Variants in RYR1 observed in about 807,000 individuals in gnomAD.
The protein encoded by RYR1 is ryanodine receptor 1, also known as central core disease of muscle.
RYR1 carries 342 observed loss-of-function variants against 583.5 expected under a neutral mutation model. That is an observed-to-expected ratio of 0.59 (90% CI 0.54 to 0.64). The LOEUF is 0.64. Ranked by LOEUF, RYR1 falls within the 30% of genes least tolerant of loss-of-function variation. The pLI is 0.00. For missense variants in RYR1, 6,032 were observed against 6,917.2 expected (o/e 0.87, Z 4.54); for synonymous variants, 2,791 against 2,822.5 (o/e 0.99, Z 0.35).
In RYR1 at chr19:38,561,823, G is replaced by A. The variant is rs1010609395; in HGVS notation, c.12624+369G>A. On this transcript the variant is annotated intron_variant, in intron 90 of 105. Coordinates refer to ENST00000359596, the MANE Select transcript of RYR1 (RefSeq NM_000540.3). The surrounding 1 kb of genome is among the most constrained non-coding windows in gnomAD (Gnocchi z 4.8). ...GCCCTACCCACACTCTCACCTCCTC[G>A]AACCTGCATGGCGACACACCCCTTG... 4.6e-5 allele frequency among the ~76,000 whole-genome samples: 7 copies of A among 152,048 alleles called. No individual in the cohort carries two copies. Among genetic ancestry groups the A allele is most frequent in the Admixed American group, 3.3e-4 (5 of 15,258 alleles).
Position 38,512,552 on chromosome 19 carries a change from T to C in RYR1, c.9472+69T>C. 3 of 1,406,220 alleles carry C rather than the reference T, an allele frequency of 2.1e-6. No individual in the cohort carries two copies. The highest frequency in any genetic ancestry group is 3.0e-6 in the Non-Finnish European group (3 of 1,003,876). The allele number at this position is 1,406,220 out of a possible 1,614,324, so 87.1% of individuals were successfully genotyped here. A position where few individuals can be genotyped will look rare whatever the true frequency, so the allele number is the denominator to read the frequency against. On this transcript the variant is annotated intron_variant, in intron 63 of 105. Coordinates refer to ENST00000359596, the MANE Select transcript of RYR1 (RefSeq NM_000540.3). The surrounding 1 kb of genome is among the most constrained non-coding windows in gnomAD (Gnocchi z 5.1). Reference sequence around the variant, plus strand: ...GGCCAACACCACCCATCCGGGTGCCTGTGAGAGTCCCTGGGTGTTTGAATG... The same window carrying C: ...GGCCAACACCACCCATCCGGGTGCCCGTGAGAGTCCCTGGGTGTTTGAATG...
At chr19:38,445,222 CAAAAAAAAA>C (rs61419525) in intron 7 of RYR1, among the ~76,000 whole-genome samples, 5 of 48,186 alleles carry the variant, frequency 1.0e-4, no homozygotes, top group South Asian at 1.0e-3. Flanking sequence ...GACTCTGCCT[CAAAAAAAAA>C]AAAAAAAAAA....
At chr19:38,468,649 C>G (rs1968253200) in intron 25 of RYR1, among the ~76,000 whole-genome samples, 1 of 152,164 alleles carries the variant, frequency 6.6e-6, no homozygotes, top group Admixed American at 6.6e-5. Context: ...TTTTTCCTTT[C>G]CATCCCTCTA....
intron 31 of RYR1, among the ~76,000 whole-genome samples, chr19:38,480,719 C>T (rs910572737): frequency 2.6e-5 from 4 of 151,882 alleles, no homozygotes; most frequent in African/African-American, 9.7e-5. Flanking sequence ...TAAGTAGGGT[C>T]ATATATTTTA....
intron 31 of RYR1, among the ~76,000 whole-genome samples, chr19:38,479,816 A>C (rs1968921961): frequency 6.6e-6 from 1 of 151,908 alleles, no homozygotes; most frequent in Non-Finnish European, 1.5e-5. Context: ...TCCTGGACTC[A>C]AGCGATCCTC....
At chr19:38,549,679 A>G (rs1370184333) in intron 89 of RYR1, among the ~76,000 whole-genome samples, 1 of 136,250 alleles carries the variant, frequency 7.3e-6, no homozygotes, top group African/African-American at 2.7e-5. Flanking sequence ...TTACTCCATC[A>G]TGATTTCCCT....
Position 38,483,200 on chromosome 19 carries a change from A to C in RYR1, c.4707+87A>C. 1 of 1,590,902 alleles carries C rather than the reference A, an allele frequency of 6.3e-7. No homozygotes were observed. The highest frequency in any genetic ancestry group is 8.6e-7 in the Non-Finnish European group (1 of 1,161,044). ...CAGGCGGGCAGAGCCACTGAAGGGG[A>C]GGGGGCAATCCAAGAGGTCTCCCTG... On this transcript the variant is annotated intron_variant, in intron 32 of 105. Coordinates refer to ENST00000359596, the MANE Select transcript of RYR1 (RefSeq NM_000540.3). This position sits in a 1 kb window ranked among gnomAD's most constrained non-coding sequence, Gnocchi z 6.3.
At chr19:38,436,442 C>A (rs1600617075) in intron 1 of RYR1, among the ~76,000 whole-genome samples, 3 of 152,170 alleles carry the variant, frequency 2.0e-5, no homozygotes, top group Admixed American at 1.3e-4. Flanking sequence ...CTCCTGGGCT[C>A]AAGAAATCCT....
chr19:38,517,578 C>CA lies in RYR1; in HGVS notation c.9906dup (p.Pro3303ThrfsTer8). The CA allele has an allele frequency of 6.2e-7, 1 of 1,613,990 alleles. No individual in the cohort carries two copies. On this transcript the variant is annotated frameshift_variant, in exon 66 of 106. Coordinates refer to ENST00000359596, the MANE Select transcript of RYR1 (RefSeq NM_000540.3). LOFTEE classifies it high-confidence loss of function. ...TCCGCCCTGCCCGCCGGCGCCCCCC[C>CA]ACCCTGCACAGCTGTCACCTCTGAC...
chr19:38,489,376 G>A lies in RYR1; in HGVS notation c.5747G>A (p.Gly1916Glu). The change falls in exon 35 of 106, where the codon GGG becomes GAG. Residue 1916 changes from glycine to glutamate, a missense_variant. By Grantham distance (98) the Gly-to-Glu change is moderately conservative. Around this residue, in one of 11 missense-constraint regions of RYR1, gnomAD observed 2,627 missense variants for 2,961.3 expected, o/e 0.89. Coordinates refer to ENST00000359596, the MANE Select transcript of RYR1 (RefSeq NM_000540.3). ...EEKEEEEAAEGEKEEGLEEGL... is the reference protein window; with the variant it reads ...EEKEEEEAAEEEKEEGLEEGL... ...AAAGAGGAAGAGGAGGCAGCAGAAG[G>A]GGAGAAAGAAGAAGGCTTGGAGGAA... is the stretch of plus-strand genomic sequence containing the variant. 6.2e-7 allele frequency: 1 copy of A among 1,614,036 alleles called. No individual in the cohort carries two copies. Among genetic ancestry groups the A allele is most frequent in the Non-Finnish European group, 8.5e-7 (1 of 1,179,930 alleles).
At chr19:38,454,901 G>GT (rs1251743531) in intron 13 of RYR1, among the ~76,000 whole-genome samples, 1 of 152,124 alleles carries the variant, frequency 6.6e-6, no homozygotes, top group Non-Finnish European at 1.5e-5. Context: ...TGGATGGTTG[G>GT]TGGGAGTGGG....
In RYR1 at chr19:38,502,567, CTGCCGCTCATCACCAAGTG is replaced by C; in HGVS notation, c.7679_7697del (p.Pro2560ArgfsTer180). 6.2e-7 allele frequency: 1 copy of C among 1,612,162 alleles called. No individual in the cohort carries two copies. The highest frequency in any genetic ancestry group is 8.5e-7 in the Non-Finnish European group (1 of 1,179,916). ...GAACCGCTACCTGTGCCTGGCCGTG[CTGCCGCTCATCACCAAGTG>C]TGCGCCGCTCTTTGCGGGCACAGAA... On this transcript the variant is annotated frameshift_variant, in exon 48 of 106. Coordinates refer to ENST00000359596, the MANE Select transcript of RYR1 (RefSeq NM_000540.3). LOFTEE classifies it high-confidence loss of function.
At chr19:38,505,995 C>A in intron 54 of RYR1, 49 bp downstream of exon 54, 2 of 1,595,088 alleles carry the variant, frequency 1.3e-6, no homozygotes, top group Non-Finnish European at 1.7e-6. Flanking sequence ...GGGGGAGGGT[C>A]TAGAACAAGG....
chr19:38,507,065 A>G (rs1192108851), intron 57 of RYR1, 113 bp downstream of exon 57: 2 of 1,535,570 alleles, frequency 1.3e-6, no homozygotes, highest in African/African-American at 1.4e-5. Context: ...CCTGAGGAGC[A>G]AAGATGGAAC....
rs1326682110 is a variant in RYR1 at position 38,570,600 on chromosome 19, C to G, written c.13660-7C>G. On this transcript the variant is annotated splice_polypyrimidine_tract_variant and splice_region_variant and intron_variant, in intron 93 of 105. Transcript: ENST00000359596. Reference sequence around the variant, plus strand: ...AGCGCTTTCTCTCTTTTTCTCTTCTCTCTCAGAACTACCTGTCCCGGAACT... The same window carrying G: ...AGCGCTTTCTCTCTTTTTCTCTTCTGTCTCAGAACTACCTGTCCCGGAACT... 1.9e-6 allele frequency: 3 copies of G among 1,611,784 alleles called. No individual in the cohort carries two copies. Among genetic ancestry groups the G allele is most frequent in the Non-Finnish European group, 8.5e-7 (1 of 1,177,958 alleles).
intron 82 of RYR1, 152 bp downstream of exon 82, chr19:38,536,222 C>G (rs1971959002): frequency 1.5e-6 from 1 of 684,396 alleles, no homozygotes; most frequent in East Asian, 2.8e-5. Context: ...CTGTGGTCCC[C>G]CAGTCCCACC....
intron 49 of RYR1, among the ~76,000 whole-genome samples, chr19:38,503,525 C>T (rs926722286): frequency 1.3e-5 from 2 of 152,200 alleles, no homozygotes; most frequent in Non-Finnish European, 2.9e-5. Context: ...GTAATCCCAG[C>T]ACTTTGGGAG....
intron 89 of RYR1, among the ~76,000 whole-genome samples, chr19:38,554,868 TA>T (rs1198013306): frequency 6.6e-6 from 1 of 152,212 alleles, no homozygotes; most frequent in Non-Finnish European, 1.5e-5. Flanking sequence ...ATTTGTCTCT[TA>T]ATTAAAACAC....
chr19:38,522,042 A>T (rs1388010951), intron 67 of RYR1, among the ~76,000 whole-genome samples: 2 of 151,996 alleles, frequency 1.3e-5, no homozygotes, highest in Non-Finnish European at 2.9e-5. Flanking sequence ...TTAGCCTAGA[A>T]GTTAGAATAT....
Sources: allele counts gnomAD v4.1 joint callset (sites outside exome capture counted in the v4.1 genomes callset), GRCh38; gene constraint gnomAD v4.1.1; regional missense constraint gnomAD v4.1.1; non-coding constraint Gnocchi (gnomAD v3.1); transcripts MANE v1.5; gene names NCBI Gene and HGNC (gene_info 2026-07-23, HGNC 2026-07-21).